Variants in METTL15 observed in about 807,000 individuals in gnomAD.
METTL15 encodes the protein 12S rRNA N(4)-cytidine methyltransferase METTL15.
Under a neutral mutation model 38.3 loss-of-function variants are expected in METTL15, and 34 were observed. That is an observed-to-expected ratio of 0.89 (90% CI 0.68 to 1.18). The LOEUF is 1.18. Among genes scored for constraint, METTL15 ranks in the 50% most tolerant of loss-of-function variants. METTL15 has a pLI of 0.00. For synonymous variants in METTL15, 162 were observed against 170.9 expected, an observed-to-expected ratio of 0.95 and a Z score of 0.41; for missense variants, 438 against 498.4, an observed-to-expected ratio of 0.88 and a Z score of 1.15.
chr11:28,133,448 T>G (rs1468696356), intron 3 of METTL15, among the ~76,000 whole-genome samples: 1 of 152,198 alleles, frequency 6.6e-6, no homozygotes, highest in Non-Finnish European at 1.5e-5. Flanking sequence ...TGGTAGCCAG[T>G]CTACAAGATG....
downstream of METTL15, among the ~76,000 whole-genome samples, chr11:28,337,783 A>G (rs1193097802): frequency 6.6e-6 from 1 of 152,180 alleles, no homozygotes; most frequent in African/African-American, 2.4e-5. Context: ...GTAACATGCC[A>G]TACAGGTTTG....
intron 5 of METTL15, among the ~76,000 whole-genome samples, chr11:28,412,009 C>T (rs1049185313): frequency 2.0e-5 from 3 of 152,144 alleles, no homozygotes; most frequent in African/African-American, 7.2e-5. Context: ...CAGCACTAAT[C>T]ACAAGGGAAA....
intron 6 of METTL15, among the ~76,000 whole-genome samples, chr11:28,437,447 G>A (rs960435445): frequency 3.9e-5 from 6 of 152,128 alleles, no homozygotes; most frequent in African/African-American, 9.7e-5. Flanking sequence ...CAACATGGAC[G>A]AAATTTTTAG....
intron 6 of METTL15, among the ~76,000 whole-genome samples, chr11:28,451,794 A>G (rs1851124741): frequency 6.6e-6 from 1 of 152,196 alleles, no homozygotes; most frequent in Non-Finnish European, 1.5e-5. Flanking sequence ...CATTCTGGAA[A>G]GACTGAACCT....
At chr11:28,297,058 A>C (rs1856766410) in intron 6 of METTL15, 127 bp downstream of exon 6, 7 of 928,006 alleles carry the variant, frequency 7.5e-6, no homozygotes, top group Non-Finnish European at 9.6e-6. Flanking sequence ...TGAGGGATTC[A>C]TTTGTACTTG....
intron 6 of METTL15, among the ~76,000 whole-genome samples, chr11:28,515,245 G>A (rs1564953401): frequency 6.6e-6 from 1 of 152,288 alleles, no homozygotes; most frequent in African/African-American, 2.4e-5. Context: ...GCTTATCTTG[G>A]TGGCTCTTTT....
At chr11:28,345,376 G>T (rs1414953720) in intron 3 of METTL15, among the ~76,000 whole-genome samples, 1 of 152,124 alleles carries the variant, frequency 6.6e-6, no homozygotes, top group Non-Finnish European at 1.5e-5. Context: ...TTTTCGTAGA[G>T]ACGGGGTTTC....
At chr11:28,407,257 G>A (rs936888708) in intron 5 of METTL15, among the ~76,000 whole-genome samples, 1 of 152,146 alleles carries the variant, frequency 6.6e-6, no homozygotes, top group Non-Finnish European at 1.5e-5. Flanking sequence ...ATAGGCATGG[G>A]CAGATATGAT....
At chr11:28,435,232 T>G (rs953910645) in intron 6 of METTL15, among the ~76,000 whole-genome samples, 2 of 152,198 alleles carry the variant, frequency 1.3e-5, no homozygotes, top group Non-Finnish European at 2.9e-5. Context: ...ATCAGGTTCA[T>G]TACATGCTGC....
chr11:28,396,686 A>G (rs1479202656), intron 5 of METTL15, among the ~76,000 whole-genome samples: 3 of 152,188 alleles, frequency 2.0e-5, no homozygotes, highest in African/African-American at 7.2e-5. Context: ...TATAGATTCA[A>G]TGCCATCCCC....
rs939427961 is a variant in METTL15, at chr11:28,192,676, G to A, written c.271-18386G>A. 5.3e-5 allele frequency among the ~76,000 whole-genome samples: 8 copies of A among 152,004 alleles called. No homozygotes were observed. The East Asian group carries it at 1.2e-3, about 22-fold the overall frequency. ...CTGGAACTGGACTTTCCTTTATTAG[G>A]TGGTTTTTAACCATCAACTCAATTT... On this transcript the variant is annotated intron_variant, in intron 3 of 6. Coordinates refer to ENST00000407364, the MANE Select transcript of METTL15 (RefSeq NM_001113528.2).
intron 5 of METTL15, among the ~76,000 whole-genome samples, chr11:28,363,975 C>A (rs7127062): frequency 0.99 from 151,258 of 152,258 alleles, 75,143 homozygotes; most frequent in Middle Eastern, 1. Flanking sequence ...GATTTTGTCC[C>A]AGGTCCAATG....
chr11:28,350,885 T>C (rs1308796619), intron 3 of METTL15, among the ~76,000 whole-genome samples: 1 of 152,198 alleles, frequency 6.6e-6, no homozygotes, highest in African/African-American at 2.4e-5. Context: ...ATTCTTTACC[T>C]TAACTATTAA....
Position 28,515,622 on chromosome 11 carries a change from A to C in METTL15, c.*425-10856A>C, listed in dbSNP as rs955667102. Among the ~76,000 whole-genome samples the C allele has an allele frequency of 2.0e-5, 3 of 152,234 alleles. 1 individual carries two copies. In the South Asian group the frequency reaches 6.2e-4, roughly 32 times the overall value. ...TGTATTGCCATGCCTACTTTGCACT[A>C]TAAAGGCATTGTTGAGCAGTTATGA... On this transcript the variant is annotated intron_variant and NMD_transcript_variant, in intron 6 of 7. Coordinates refer to the METTL15 transcript ENST00000532947.
At chr11:28,446,716 T>C (rs144094937) in intron 6 of METTL15, among the ~76,000 whole-genome samples, 46 of 152,274 alleles carry the variant, frequency 3.0e-4, no homozygotes, top group African/African-American at 1.1e-3. Flanking sequence ...ATTTTTCTAG[T>C]CATCTTTTTC....
chr11:28,277,024 A>G (rs1590250798), intron 4 of METTL15, among the ~76,000 whole-genome samples: 1 of 152,234 alleles, frequency 6.6e-6, no homozygotes, highest in Non-Finnish European at 1.5e-5. Context: ...CCTCAAAAGT[A>G]CAGGCAACAA....
intron 6 of METTL15, among the ~76,000 whole-genome samples, chr11:28,306,581 ATT>A (rs1565240678): frequency 6.6e-6 from 1 of 152,048 alleles, no homozygotes; most frequent in Non-Finnish European, 1.5e-5. Flanking sequence ...ACCCAAAAAT[ATT>A]GAGAGAATCA....
chr11:28,135,162 T>C (rs112686945), intron 3 of METTL15, among the ~76,000 whole-genome samples: 4,443 of 152,336 alleles, frequency 0.029, 84 homozygotes, highest in Middle Eastern at 0.082. Flanking sequence ...TTTTGAAGCA[T>C]AATTTTTCTT....
chr11:28,160,118 A>G (rs1489554722), intron 3 of METTL15, among the ~76,000 whole-genome samples: 10 of 152,058 alleles, frequency 6.6e-5, no homozygotes, highest in African/African-American at 2.4e-4. Flanking sequence ...CCCAGCCTAC[A>G]TCTTTCTCCC....
Sources: gnomAD v4.1 joint callset for allele counts (sites outside exome capture counted in the v4.1 genomes callset) on GRCh38, gnomAD v4.1.1 for gene constraint, MANE v1.5 for transcripts, NCBI Gene and HGNC (gene_info 2026-07-23, HGNC 2026-07-21) for gene names.